The following CPAP variants were observed in gnomAD, a reference collection of about 807,000 sequenced individuals.
The protein encoded by CPAP is centrosome assembly and centriole elongation protein, also known as centrosomal P4.1-associated protein.
At chr13:24,890,211 A>AT in the CPAP span, among the ~76,000 whole-genome samples, 2 of 152,226 alleles carry the variant, frequency 1.3e-5, no homozygotes, top group African/African-American at 2.4e-5. Flanking sequence ...AAACATAGAC[A>AT]TAACTATGGC....
At chr13:24,909,941 G>C in the CPAP span, 1 of 1,614,004 alleles carries the variant, frequency 6.2e-7, no homozygotes, top group Non-Finnish European at 8.5e-7. Flanking sequence ...TTTGCTCATG[G>C]GATAAAATGT....
chr13:24,889,416 T>A, the CPAP span: 2 of 1,526,556 alleles, frequency 1.3e-6, no homozygotes, highest in Non-Finnish European at 1.8e-6. Context: ...GTATAAGAGA[T>A]AATTTTTTAT....
chr13:24,888,242 C>T, the CPAP span, among the ~76,000 whole-genome samples: 1 of 151,430 alleles, frequency 6.6e-6, no homozygotes. Flanking sequence ...TTCAACATTA[C>T]AAGGAAAAAC....
the CPAP span, chr13:24,884,533 A>G: frequency 1.4e-6 from 2 of 1,481,408 alleles, no homozygotes; most frequent in South Asian, 2.3e-5. Context: ...TCTCCTCCCA[A>G]CTGCCTACTT....
the CPAP span, among the ~76,000 whole-genome samples, chr13:24,887,515 T>C: frequency 6.6e-6 from 1 of 152,178 alleles, no homozygotes; most frequent in African/African-American, 2.4e-5. Flanking sequence ...GGGATCCAGG[T>C]TGCACGCTCC....
At chr13:24,890,500 A>G in the CPAP span, among the ~76,000 whole-genome samples, 64,398 of 152,058 alleles carry the variant, frequency 0.42, 14,034 homozygotes, top group South Asian at 0.49. Context: ...TGCAGCTAAA[A>G]TATGCTATGC....
chr13:24,882,557 A>ACT, the CPAP span: 2 of 152,508 alleles, frequency 1.3e-5, no homozygotes, highest in Non-Finnish European at 2.9e-5. Context: ...GCCCCCCTCC[A>ACT]CTCTCAAGTA....
chr13:24,909,800 G>C, the CPAP span: 1 of 1,611,920 alleles, frequency 6.2e-7, no homozygotes, highest in Non-Finnish European at 8.5e-7. Context: ...CTGTAGGATG[G>C]TTACGGTTTT....
the CPAP span, chr13:24,933,199 C>T: frequency 8.0e-7 from 1 of 1,248,312 alleles, no homozygotes; most frequent in East Asian, 2.3e-5. Context: ...ACAACAGGGT[C>T]ATGGTTAGAA....
At chr13:24,895,566 GAAAGA>G in the CPAP span, among the ~76,000 whole-genome samples, 10 of 151,664 alleles carry the variant, frequency 6.6e-5, no homozygotes, top group Admixed American at 4.6e-4. Context: ...AGAAAGAAAA[GAAAGA>G]AAAGAAAAGA....
chr13:24,885,669 G>A, the CPAP span: 2 of 1,609,526 alleles, frequency 1.2e-6, no homozygotes, highest in Non-Finnish European at 1.7e-6. Context: ...GAGGTGGATT[G>A]CCTATTAGAA....
At chr13:24,885,667 T>A in the CPAP span, 1 of 1,610,748 alleles carries the variant, frequency 6.2e-7, no homozygotes, top group Non-Finnish European at 8.5e-7. Flanking sequence ...TCGAGGTGGA[T>A]TGCCTATTAG....
the CPAP span, among the ~76,000 whole-genome samples, chr13:24,911,596 C>G: frequency 6.6e-6 from 1 of 151,980 alleles, no homozygotes; most frequent in African/African-American, 2.4e-5. Flanking sequence ...TGCAGTGGTG[C>G]CATTATAGCT....
the CPAP span, chr13:24,907,133 T>C: frequency 4.3e-6 from 7 of 1,613,890 alleles, no homozygotes; most frequent in Admixed American, 1.7e-5. Flanking sequence ...CCAACTGAAT[T>C]TGTTCTTCTA....
chr13:24,913,239 C>T, the CPAP span: 2 of 562,398 alleles, frequency 3.6e-6, no homozygotes, highest in Middle Eastern at 4.6e-4. Context: ...GGGCATTGAG[C>T]TACATTTTTC....
the CPAP span, chr13:24,883,831 ACATT>A: frequency 2.1e-6 from 2 of 932,628 alleles, no homozygotes; most frequent in East Asian, 2.4e-5. Context: ...TGCCTGTGGG[ACATT>A]CATTCAAACT....
the CPAP span, among the ~76,000 whole-genome samples, chr13:24,913,773 A>G: frequency 7.5e-3 from 1,138 of 152,368 alleles, 14 homozygotes; most frequent in African/African-American, 0.025. Flanking sequence ...GGAGAAATGT[A>G]ATTCTTATGG....
the CPAP span, chr13:24,883,091 CAAT>C: frequency 1.8e-4 from 218 of 1,216,708 alleles, 2 homozygotes; most frequent in Middle Eastern, 5.9e-4. Context: ...CACACATACA[CAAT>C]AAATTAAACA....
chr13:24,899,433 G>A, the CPAP span: 76 of 1,612,628 alleles, frequency 4.7e-5, 1 homozygote, highest in East Asian at 6.7e-5. Flanking sequence ...ATTTCTTCAC[G>A]TTCCTTTTTA....
Sources: gnomAD v4.1 joint callset for allele counts (sites outside exome capture counted in the v4.1 genomes callset) on GRCh38, gnomAD v4.1.1 for gene constraint, MANE v1.5 for transcripts, NCBI Gene and HGNC (gene_info 2026-07-23, HGNC 2026-07-21) for gene names.